COL25A1: variants seen among roughly 807,000 people sequenced by gnomAD.
COL25A1 encodes collagen alpha-1(XXV) chain.
Under a neutral mutation model 128.4 loss-of-function variants are expected in COL25A1, and 103 were observed. The ratio of observed to expected loss-of-function variants is 0.80; its 90% CI spans 0.68 to 0.94. COL25A1 has a LOEUF of 0.94. Ranked by LOEUF, COL25A1 falls within the 40% of genes least tolerant of loss-of-function variation. COL25A1 has a pLI of 0.00. For missense variants in COL25A1, 745 were observed against 840.0 expected, an observed-to-expected ratio of 0.89 and a Z score of 1.40; for synonymous variants, 279 against 277.2, an observed-to-expected ratio of 1.01 and a Z score of -0.06.
intron 3 of COL25A1, among the ~76,000 whole-genome samples, chr4:109,091,617 A>G (rs1036411027): frequency 3.9e-5 from 6 of 152,108 alleles, no homozygotes; most frequent in African/African-American, 1.4e-4. Context: ...AAGAGCATAT[A>G]TCACTTCCTG....
rs146780074 is a variant in COL25A1 at position 109,300,948 on chromosome 4, T to C, written c.298-296A>G. 4.3e-4 allele frequency among the ~76,000 whole-genome samples: 65 copies of C among 152,324 alleles called. No homozygotes were observed. The East Asian group carries it at 0.012, about 27-fold the overall frequency. On this transcript the variant is annotated intron_variant, in intron 2 of 37. Coordinates refer to ENST00000399132, the MANE Select transcript of COL25A1 (RefSeq NM_198721.4). ...TGCAGTCAATGTAAAAACCTAGCAC[T>C]AAAATGTTGCAGTATTAGGTAAGCT...
chr4:109,004,404 T>G (rs1390971067), intron 6 of COL25A1, among the ~76,000 whole-genome samples: 2 of 75,462 alleles, frequency 2.7e-5, no homozygotes, highest in South Asian at 4.1e-4. Context: ...AGGTTTGTGT[T>G]TTTTTTTTTT....
intron 3 of COL25A1, among the ~76,000 whole-genome samples, chr4:109,230,492 T>A (rs1779094758): frequency 6.6e-6 from 1 of 152,298 alleles, no homozygotes; most frequent in African/African-American, 2.4e-5. Context: ...TTATTAAAAA[T>A]GTATAATGTG....
chr4:109,104,959 T>G (rs1307929906), intron 3 of COL25A1, among the ~76,000 whole-genome samples: 1 of 152,166 alleles, frequency 6.6e-6, no homozygotes, highest in African/African-American at 2.4e-5. Context: ...GTATTGTGGT[T>G]ATGGTAAATA....
At chr4:109,180,432 A>C (rs1774518592) in intron 3 of COL25A1, among the ~76,000 whole-genome samples, 1 of 152,160 alleles carries the variant, frequency 6.6e-6, no homozygotes, top group South Asian at 2.1e-4. Flanking sequence ...ATTATTATAG[A>C]GAGTTGGACA....
chr4:108,873,631 T>C (rs574057275), intron 19 of COL25A1, among the ~76,000 whole-genome samples: 1 of 152,098 alleles, frequency 6.6e-6, no homozygotes, highest in African/African-American at 2.4e-5. Context: ...ATTGGTAATA[T>C]ACAAAGTGTC....
At chr4:109,147,272 C>T (rs560992836) in intron 3 of COL25A1, among the ~76,000 whole-genome samples, 2 of 152,274 alleles carry the variant, frequency 1.3e-5, no homozygotes, top group Non-Finnish European at 2.9e-5. Flanking sequence ...TTCCTCCCTT[C>T]TAACCCAAGG....
intron 16 of COL25A1, among the ~76,000 whole-genome samples, chr4:108,894,630 T>C (rs1741920216): frequency 6.6e-6 from 1 of 152,114 alleles, no homozygotes. Context: ...AACAACAGAG[T>C]TGAGTAGCTG....
intron 3 of COL25A1, among the ~76,000 whole-genome samples, chr4:109,208,970 T>C (rs1356586807): frequency 6.6e-6 from 1 of 152,208 alleles, no homozygotes; most frequent in African/African-American, 2.4e-5. Context: ...AAACAGTAGA[T>C]AATTGAATGA....
intron 13 of COL25A1, among the ~76,000 whole-genome samples, chr4:108,915,849 T>C (rs758384028): frequency 8.5e-5 from 13 of 152,214 alleles, no homozygotes; most frequent in Non-Finnish European, 1.8e-4. Flanking sequence ...ATTGAGGTGC[T>C]CTTACTAAAA....
chr4:109,143,361 T>C (rs1000027778), intron 3 of COL25A1, among the ~76,000 whole-genome samples: 1 of 152,174 alleles, frequency 6.6e-6, no homozygotes, highest in Admixed American at 6.5e-5. Context: ...TTTAACCTTG[T>C]TGAATCTGAT....
At chr4:109,208,218 T>C (rs1358286877) in intron 3 of COL25A1, among the ~76,000 whole-genome samples, 1 of 152,216 alleles carries the variant, frequency 6.6e-6, no homozygotes, top group Non-Finnish European at 1.5e-5. Context: ...AAAACTACTT[T>C]GACTTAAGGA....
intron 8 of COL25A1, among the ~76,000 whole-genome samples, chr4:108,951,239 T>C (rs1032337191): frequency 8.5e-5 from 13 of 152,066 alleles, no homozygotes; most frequent in Non-Finnish European, 1.5e-4. Flanking sequence ...ACAACGAAGG[T>C]GCCATGCCAT....
At chr4:109,294,680 A>G (rs1364856101) in intron 3 of COL25A1, among the ~76,000 whole-genome samples, 1 of 152,136 alleles carries the variant, frequency 6.6e-6, no homozygotes, top group Non-Finnish European at 1.5e-5. Flanking sequence ...TTGTTTTCAC[A>G]TTCTCAGCTT....
At chr4:109,184,754 G>A (rs1002025312) in intron 3 of COL25A1, among the ~76,000 whole-genome samples, 8 of 152,180 alleles carry the variant, frequency 5.3e-5, no homozygotes, top group South Asian at 4.1e-4. Context: ...GCTCTCCGAG[G>A]TCACGTATAG....
At chr4:108,845,025 C>G (rs976385578) in intron 29 of COL25A1, among the ~76,000 whole-genome samples, 164 bp downstream of exon 29, 30 of 152,190 alleles carry the variant, frequency 2.0e-4, no homozygotes, top group African/African-American at 6.0e-4. Flanking sequence ...CTTTGTGTAT[C>G]ACTGTGCAGG....
At chr4:108,839,934 G>C (rs1734236693) in intron 31 of COL25A1, among the ~76,000 whole-genome samples, 1 of 151,898 alleles carries the variant, frequency 6.6e-6, no homozygotes, top group South Asian at 2.1e-4. Flanking sequence ...GCTGGTTTTT[G>C]GTGGCATCTT....
chr4:108,893,464 G>A (rs1488520051), intron 16 of COL25A1, among the ~76,000 whole-genome samples: 1 of 152,086 alleles, frequency 6.6e-6, no homozygotes, highest in African/African-American at 2.4e-5. Flanking sequence ...GCAGGTTTAC[G>A]CTCTTAAATC....
chr4:109,162,598 G>A (rs1772682593), intron 3 of COL25A1, among the ~76,000 whole-genome samples: 1 of 152,198 alleles, frequency 6.6e-6, no homozygotes, highest in Non-Finnish European at 1.5e-5. Flanking sequence ...TTGCCAGGAG[G>A]AATGTCTAGA....
Sources: gnomAD v4.1 joint callset for allele counts (sites outside exome capture counted in the v4.1 genomes callset) on GRCh38, gnomAD v4.1.1 for gene constraint, MANE v1.5 for transcripts, NCBI Gene and HGNC (gene_info 2026-07-23, HGNC 2026-07-21) for gene names.